The following CNTNAP5 variants were observed in gnomAD, a reference collection of about 807,000 sequenced individuals.
CNTNAP5 encodes the protein contactin-associated protein-like 5.
Under a neutral mutation model 150.2 loss-of-function variants are expected in CNTNAP5, and 72 were observed. That is an observed-to-expected ratio of 0.48 (90% CI 0.40 to 0.58). CNTNAP5 has a LOEUF of 0.58. CNTNAP5 is among the 20% of genes least tolerant of loss of function. The pLI is 0.00. For synonymous variants in CNTNAP5, 672 were observed against 619.8 expected (o/e 1.08, Z -1.25); for missense variants, 1,636 against 1,626.2 (o/e 1.01, Z -0.10).
intron 2 of CNTNAP5, 119 bp downstream of exon 2, chr2:124,221,928 T>A: frequency 1.5e-6 from 1 of 659,868 alleles, no homozygotes; most frequent in Non-Finnish European, 2.7e-6. Flanking sequence ...TTCAGGAAAA[T>A]ATTTACGAGG....
chr2:124,687,873 G>A (rs940648745), intron 13 of CNTNAP5, among the ~76,000 whole-genome samples: 1 of 152,042 alleles, frequency 6.6e-6, no homozygotes, highest in African/African-American at 2.4e-5. Context: ...GCCCTGTTTT[G>A]TTATACTGAG....
At chr2:124,048,573 T>G (rs1487585657) in intron 1 of CNTNAP5, among the ~76,000 whole-genome samples, 2 of 152,256 alleles carry the variant, frequency 1.3e-5, no homozygotes, top group Middle Eastern at 3.2e-3. Context: ...TTAAATTGTT[T>G]GCCAAATTGT....
intron 6 of CNTNAP5, among the ~76,000 whole-genome samples, chr2:124,466,755 G>C (rs1693387267): frequency 1.3e-5 from 2 of 152,144 alleles, no homozygotes; most frequent in South Asian, 4.1e-4. Context: ...AATGGAAGCA[G>C]GATTTCCAGC....
intron 11 of CNTNAP5, among the ~76,000 whole-genome samples, chr2:124,598,499 A>G (rs1245774914): frequency 2.2e-3 from 299 of 137,504 alleles, no homozygotes; most frequent in Non-Finnish European, 2.9e-3. Flanking sequence ...CAGTCTGCCC[A>G]TTCTCAGATC....
In CNTNAP5 at chr2:124,876,533, G is replaced by A. The variant is rs114495950; in HGVS notation, c.3436+6771G>A. 4.9e-3 allele frequency among the ~76,000 whole-genome samples: 745 copies of A among 151,848 alleles called. 9 individuals are homozygous for A. Among genetic ancestry groups the A allele is most frequent in the Middle Eastern group, 0.02 (6 of 294 alleles). On this transcript the variant is annotated intron_variant, in intron 21 of 23. Coordinates refer to ENST00000682447, the MANE Select transcript of CNTNAP5 (RefSeq NM_001367498.1). The stretch of plus-strand genomic sequence containing the variant: ...GCTCATTTGGGGAAAGGATTGTGCC[G>A]GTGTGCATCAACAGTTCAAATATGT...
intron 4 of CNTNAP5, among the ~76,000 whole-genome samples, 192 bp from the exon 5 acceptor site, chr2:124,434,292 G>T (rs1413040560): frequency 2.6e-5 from 4 of 152,204 alleles, no homozygotes; most frequent in African/African-American, 9.6e-5. Context: ...AGTGTGTGGT[G>T]ATTGCTTGTA....
At chr2:124,061,172 A>T (rs557232744) in intron 1 of CNTNAP5, among the ~76,000 whole-genome samples, 53 of 152,272 alleles carry the variant, frequency 3.5e-4, no homozygotes, top group African/African-American at 1.2e-3. Context: ...TGCCCCATTA[A>T]ACAAAGCCTC....
In CNTNAP5 at chr2:124,148,333, C is replaced by T. The variant is rs146580328; in HGVS notation, c.83-73372C>T. 3.8e-3 allele frequency among the ~76,000 whole-genome samples: 568 copies of T among 150,780 alleles called. 3 individuals carry two copies. The highest frequency in any genetic ancestry group is 0.013 in the African/African-American group (549 of 41,228). The stretch of plus-strand genomic sequence containing the variant: ...AGAAAGAAAAAAAAGAAAATATTCT[C>T]ATTTAGTTTTGGTTTCCACATTCCA... On this transcript the variant is annotated intron_variant, in intron 1 of 23. Coordinates refer to ENST00000682447, the MANE Select transcript of CNTNAP5 (RefSeq NM_001367498.1).
chr2:124,693,712 G>A (rs552774911), intron 13 of CNTNAP5, among the ~76,000 whole-genome samples: 112 of 151,792 alleles, frequency 7.4e-4, no homozygotes, highest in South Asian at 3.7e-3. Context: ...CTTTAACATC[G>A]CAGGCATGGG....
chr2:124,056,935 T>C (rs1392218564), intron 1 of CNTNAP5, among the ~76,000 whole-genome samples: 2 of 152,228 alleles, frequency 1.3e-5, no homozygotes, highest in South Asian at 2.1e-4. Flanking sequence ...GTTACTGTTT[T>C]CTATCAAAAG....
chr2:124,416,906 C>T (rs1294941569), intron 3 of CNTNAP5, among the ~76,000 whole-genome samples: 31 of 142,638 alleles, frequency 2.2e-4, no homozygotes, highest in African/African-American at 7.0e-4. Flanking sequence ...GCTAGAATTG[C>T]TTTATTCATA....
Position 124,609,938 on chromosome 2 carries a change from C to T in CNTNAP5, c.1876+18C>T. ...TATCACTGGTAAGGGTGCAGTAGCCCTACTCACACTTAACCACCCCACTTC... is the reference window on the plus strand; with the variant it reads ...TATCACTGGTAAGGGTGCAGTAGCCTTACTCACACTTAACCACCCCACTTC... On this transcript the variant is annotated intron_variant, in intron 12 of 23. Coordinates refer to ENST00000682447, the MANE Select transcript of CNTNAP5 (RefSeq NM_001367498.1). 6.2e-7 allele frequency: 1 copy of T among 1,603,034 alleles called. No individual in the cohort carries two copies. Among genetic ancestry groups the T allele is most frequent in the Non-Finnish European group, 8.5e-7 (1 of 1,171,320 alleles).
chr2:124,586,208 G>A (rs142286560), intron 11 of CNTNAP5, among the ~76,000 whole-genome samples: 105 of 152,286 alleles, frequency 6.9e-4, no homozygotes, highest in Non-Finnish European at 7.5e-4. Flanking sequence ...CAACGAATGA[G>A]CTGTGCTATC....
Position 124,049,836 on chromosome 2 carries a change from A to C in CNTNAP5, c.82+24104A>C, listed in dbSNP as rs1022192613. 2.0e-5 allele frequency among the ~76,000 whole-genome samples: 3 copies of C among 152,336 alleles called. No homozygotes were observed. In the East Asian group the frequency reaches 5.8e-4, roughly 29 times the overall value. On this transcript the variant is annotated intron_variant, in intron 1 of 23. Transcript: ENST00000682447. The stretch of plus-strand genomic sequence containing the variant: ...GAGAATCCTAATCAAACTCTGAGTC[A>C]GGCAGATTCAATGTCTAATGAGGGC...
At chr2:124,593,126 T>A (rs899532927) in intron 11 of CNTNAP5, among the ~76,000 whole-genome samples, 6 of 147,790 alleles carry the variant, frequency 4.1e-5, no homozygotes, top group African/African-American at 1.2e-4. Context: ...TTTATTTATT[T>A]ATTATTATTA....
intron 11 of CNTNAP5, among the ~76,000 whole-genome samples, chr2:124,571,535 T>TTTCTCTTTTTTTTCTTTTTTC (rs1389117290): frequency 1.0e-5 from 1 of 98,778 alleles, no homozygotes; most frequent in Non-Finnish European, 2.1e-5. Flanking sequence ...TTCTTTTTTT[T>TTTCTCTTTTTTTTCTTTTTTC]TTTTTTTTTT....
chr2:124,772,903 G>A lies in CNTNAP5; in HGVS notation c.2638G>A (p.Ala880Thr), dbSNP rs1376524715. 1.2e-6 allele frequency: 2 copies of A among 1,613,588 alleles called. No individual in the cohort carries two copies. The highest frequency in any genetic ancestry group is 1.7e-6 in the Non-Finnish European group (2 of 1,179,728). Reference protein sequence around the residue: ...LNDNQWHYVRAERNLKETSLQ... With the variant: ...LNDNQWHYVRTERNLKETSLQ... Reference sequence around the variant, plus strand: ...TGACAACCAATGGCACTATGTCCGGGCTGAGAGGAACCTCAAGGAGACCTC... The same window carrying A: ...TGACAACCAATGGCACTATGTCCGGACTGAGAGGAACCTCAAGGAGACCTC... The change falls in exon 17 of 24, where the codon GCT (alanine) becomes ACT (threonine). Residue 880 changes from alanine (A) to threonine (T), a missense_variant. By Grantham distance (58) the Ala-to-Thr change is moderately conservative. Coordinates refer to ENST00000682447, the MANE Select transcript of CNTNAP5 (RefSeq NM_001367498.1).
At chr2:124,082,176 C>T (rs1682572373) in intron 1 of CNTNAP5, among the ~76,000 whole-genome samples, 1 of 151,756 alleles carries the variant, frequency 6.6e-6, no homozygotes, top group South Asian at 2.1e-4. Context: ...GGTGAAACCC[C>T]GTCTCTACTA....
At position 124,854,098 on chromosome 2, in the gene CNTNAP5, G is replaced by A. The variant is rs531343596; in HGVS notation, c.3218-11208G>A. 7.2e-5 allele frequency among the ~76,000 whole-genome samples: 11 copies of A among 152,150 alleles called. No homozygotes were observed. The South Asian group carries it at 1.9e-3, about 26-fold the overall frequency. On this transcript the variant is annotated intron_variant, in intron 19 of 23. Transcript: ENST00000682447. The stretch of plus-strand genomic sequence containing the variant: ...GATGATTCCATGTCTTTGCTATTGC[G>A]AATAGTACTGCAGTGAACTTTCATG...
Sources: gnomAD v4.1 joint callset for allele counts (sites outside exome capture counted in the v4.1 genomes callset) on GRCh38, gnomAD v4.1.1 for gene constraint, MANE v1.5 for transcripts, NCBI Gene and HGNC (gene_info 2026-07-23, HGNC 2026-07-21) for gene names.